The following CADPS variants were observed in gnomAD, a reference collection of about 807,000 sequenced individuals.
The protein encoded by CADPS is calcium-dependent secretion activator 1.
In CADPS, 57 loss-of-function variants were observed where a neutral mutation model predicts 167.3. The ratio of observed to expected loss-of-function variants is 0.34; its 90% CI spans 0.28 to 0.42. The LOEUF (loss-of-function observed/expected upper bound fraction) is 0.42. CADPS is among the 20% of genes least tolerant of loss of function. The pLI, the probability that CADPS is intolerant of heterozygous loss-of-function variation, is 1.00. For synonymous variants in CADPS, 676 were observed against 635.3 expected, an observed-to-expected ratio of 1.06 and a Z score of -0.96; for missense variants, 1,414 against 1,738.1, an observed-to-expected ratio of 0.81 and a Z score of 3.32.
intron 1 of CADPS, among the ~76,000 whole-genome samples, chr3:62,816,263 G>T (rs1043057958): frequency 6.6e-6 from 1 of 152,084 alleles, no homozygotes; most frequent in Admixed American, 6.6e-5. Flanking sequence ...TTTAGGAAAA[G>T]GTTTAGCTAA....
At chr3:62,530,055 A>G (rs2073302586) in intron 13 of CADPS, among the ~76,000 whole-genome samples, 1 of 152,184 alleles carries the variant, frequency 6.6e-6, no homozygotes, top group African/African-American at 2.4e-5. Context: ...AGGATAAACA[A>G]AATTTTAGAA....
chr3:62,577,415 G>C (rs1394268500), intron 8 of CADPS, among the ~76,000 whole-genome samples: 1 of 152,124 alleles, frequency 6.6e-6, no homozygotes, highest in African/African-American at 2.4e-5. Context: ...TATAAGAACA[G>C]AAGTTGCAGT....
At chr3:62,714,868 T>G (rs1166777842) in intron 3 of CADPS, among the ~76,000 whole-genome samples, 2 of 152,174 alleles carry the variant, frequency 1.3e-5, no homozygotes, top group Non-Finnish European at 2.9e-5. Context: ...TCGAGAGAGA[T>G]AGTACCCAAT....
intron 3 of CADPS, among the ~76,000 whole-genome samples, chr3:62,715,537 T>A (rs911039326): frequency 2.6e-5 from 4 of 151,024 alleles, no homozygotes; most frequent in Non-Finnish European, 4.4e-5. Flanking sequence ...TGCCACATAT[T>A]AACATATGCA....
intron 11 of CADPS, among the ~76,000 whole-genome samples, chr3:62,537,882 T>C (rs1214120270): frequency 6.6e-6 from 1 of 152,280 alleles, no homozygotes; most frequent in African/African-American, 2.4e-5. Flanking sequence ...GTCAGATTTA[T>C]ACCTCCTTAT....
chr3:62,617,867 C>T (rs1034744276), intron 6 of CADPS, among the ~76,000 whole-genome samples: 3 of 152,076 alleles, frequency 2.0e-5, no homozygotes, highest in Non-Finnish European at 2.9e-5. Flanking sequence ...AGGCAAAGTT[C>T]GTGAACATCT....
intron 2 of CADPS, among the ~76,000 whole-genome samples, chr3:62,758,405 C>T (rs2084534502): frequency 6.6e-6 from 1 of 152,182 alleles, no homozygotes; most frequent in Non-Finnish European, 1.5e-5. Flanking sequence ...GGAGACAAGA[C>T]AGCCATGAGG....
At position 62,601,189 on chromosome 3, in the gene CADPS, TAATC is replaced by T. The variant is rs2059913115; in HGVS notation, c.1326-8445_1326-8442del. Among the ~76,000 whole-genome samples, 1 of 152,158 alleles carries T rather than the reference TAATC, an allele frequency of 6.6e-6. No homozygotes were observed. The highest frequency in any genetic ancestry group is 1.5e-5 in the Non-Finnish European group (1 of 68,040). ...CTTTGTATTTTCAAATGGCTGAAAA[TAATC>T]AAAGGAATATTTGCAACACATGAAT... On this transcript the variant is annotated intron_variant, in intron 6 of 29. Coordinates refer to ENST00000383710, the MANE Select transcript of CADPS (RefSeq NM_003716.4). This position sits in a 1 kb window ranked among gnomAD's most constrained non-coding sequence, Gnocchi z 4.3.
chr3:62,704,712 CA>C (rs1221753884), intron 3 of CADPS, among the ~76,000 whole-genome samples: 1 of 152,040 alleles, frequency 6.6e-6, no homozygotes, highest in Non-Finnish European at 1.5e-5. Flanking sequence ...ATCAGTCAGC[CA>C]TAGCATTACT....
chr3:62,720,844 G>A (rs545048340), intron 3 of CADPS, among the ~76,000 whole-genome samples: 4 of 145,282 alleles, frequency 2.8e-5, no homozygotes, highest in Non-Finnish European at 4.5e-5. Flanking sequence ...TTGAGGCAGA[G>A]TCTCGCTCTG....
At chr3:62,754,023 G>A (rs2083297799) in intron 2 of CADPS, among the ~76,000 whole-genome samples, 1 of 152,184 alleles carries the variant, frequency 6.6e-6, no homozygotes, top group Admixed American at 6.5e-5. Flanking sequence ...GATTAAATGA[G>A]ATGATACTAT....
intron 6 of CADPS, chr3:62,626,373 T>C: frequency 3.8e-6 from 2 of 528,066 alleles, no homozygotes; most frequent in Non-Finnish European, 3.3e-6. Flanking sequence ...CATGGAATGC[T>C]CTAGGAAAAA....
chr3:62,869,165 T>C (rs2082203911), intron 1 of CADPS, among the ~76,000 whole-genome samples: 1 of 152,148 alleles, frequency 6.6e-6, no homozygotes, highest in Admixed American at 6.5e-5. Context: ...AAAAAGATTT[T>C]AGAGCATTTC....
intron 28 of CADPS, among the ~76,000 whole-genome samples, chr3:62,414,348 G>A (rs970678182): frequency 6.6e-6 from 1 of 152,144 alleles, no homozygotes; most frequent in South Asian, 2.1e-4. Flanking sequence ...CACCACAACA[G>A]ACTTATTAAG....
intron 9 of CADPS, among the ~76,000 whole-genome samples, chr3:62,559,980 T>C (rs1030543530): frequency 6.6e-6 from 1 of 151,930 alleles, no homozygotes; most frequent in Non-Finnish European, 1.5e-5. Context: ...TTTTAATTTT[T>C]TTTTTTTTTT....
At chr3:62,650,762 A>C in intron 5 of CADPS, 85 bp downstream of exon 5, 1 of 1,000,470 alleles carries the variant, frequency 1.0e-6, no homozygotes, top group Non-Finnish European at 1.5e-6. Context: ...GGTGCAACAG[A>C]AAAAACAAGC....
intron 27 of CADPS, among the ~76,000 whole-genome samples, chr3:62,444,898 C>A (rs920579214): frequency 2.6e-5 from 4 of 152,162 alleles, no homozygotes; most frequent in African/African-American, 7.2e-5. Flanking sequence ...ATGCTTAGTA[C>A]AAGACCCTTG....
intron 4 of CADPS, among the ~76,000 whole-genome samples, chr3:62,654,321 C>G (rs1366001620): frequency 6.6e-6 from 1 of 152,130 alleles, no homozygotes; most frequent in Non-Finnish European, 1.5e-5. Context: ...AACAGAACAT[C>G]AAGGTAGGTA....
At chr3:62,428,585 G>A (rs1405975293) in intron 28 of CADPS, among the ~76,000 whole-genome samples, 3 of 152,040 alleles carry the variant, frequency 2.0e-5, no homozygotes, top group Non-Finnish European at 1.5e-5. Flanking sequence ...ACTCCCAGAT[G>A]GACACATGGA....
Sources: gnomAD v4.1 joint callset for allele counts (sites outside exome capture counted in the v4.1 genomes callset) on GRCh38, gnomAD v4.1.1 for gene constraint, Gnocchi (gnomAD v3.1) non-coding constraint, MANE v1.5 for transcripts, NCBI Gene and HGNC (gene_info 2026-07-23, HGNC 2026-07-21) for gene names.